PTPRR: variants seen among roughly 807,000 people sequenced by gnomAD.
PTPRR encodes protein tyrosine phosphatase receptor type R.
Under a neutral mutation model 77.2 loss-of-function variants are expected in PTPRR, and 38 were observed. The ratio of observed to expected loss-of-function variants is 0.49; its 90% CI spans 0.38 to 0.65. The LOEUF (loss-of-function observed/expected upper bound fraction) is 0.65. PTPRR is among the 30% of genes least tolerant of loss of function. PTPRR has a pLI of 0.00. For missense variants in PTPRR, 744 were observed against 799.2 expected (o/e 0.93, Z 0.83); for synonymous variants, 299 against 283.1 (o/e 1.06, Z -0.57).
rs761054953 is a variant in PTPRR at position 70,761,457 on chromosome 12, G to A, written c.627+14C>T. 1.7e-5 allele frequency: 26 copies of A among 1,556,274 alleles called. No homozygotes were observed. The highest frequency in any genetic ancestry group is 9.6e-5 in the African/African-American group (7 of 73,206). ...TTCACATTTTTAAATGAATTGTTTC[G>A]TGCAACAACATACCTCAGGAGAGAC... On this transcript the variant is annotated intron_variant, in intron 4 of 13. Coordinates refer to ENST00000283228, the MANE Select transcript of PTPRR (RefSeq NM_002849.4).
At chr12:70,759,238 A>G (rs1890632200) in intron 4 of PTPRR, among the ~76,000 whole-genome samples, 1 of 152,164 alleles carries the variant, frequency 6.6e-6, no homozygotes, top group Non-Finnish European at 1.5e-5. Flanking sequence ...GCCCAGCATG[A>G]CTATTTGTTG....
intron 1 of PTPRR, among the ~76,000 whole-genome samples, chr12:70,911,520 C>T (rs1467323091): frequency 6.6e-6 from 1 of 152,168 alleles, no homozygotes; most frequent in Non-Finnish European, 1.5e-5. Context: ...TTTTCAGTCA[C>T]AATCAGGCAT....
intron 2 of PTPRR, among the ~76,000 whole-genome samples, chr12:70,824,067 C>T (rs1009772047): frequency 2.6e-5 from 4 of 152,192 alleles, no homozygotes; most frequent in African/African-American, 4.8e-5. Flanking sequence ...AGCATTGATA[C>T]ACTACTCTGG....
At chr12:70,747,085 A>G (rs1431377495) in intron 5 of PTPRR, among the ~76,000 whole-genome samples, 1 of 152,208 alleles carries the variant, frequency 6.6e-6, no homozygotes, top group African/African-American at 2.4e-5. Context: ...CTTTCAAGCA[A>G]GTGTAATGTG....
At chr12:70,897,215 C>A (rs906886329) in intron 1 of PTPRR, among the ~76,000 whole-genome samples, 6 of 151,816 alleles carry the variant, frequency 4.0e-5, no homozygotes, top group African/African-American at 1.2e-4. Context: ...AGTGAACAGG[C>A]AACCTACAAA....
At chr12:70,725,597 A>AG (rs1205971368) in intron 6 of PTPRR, among the ~76,000 whole-genome samples, 3 of 152,174 alleles carry the variant, frequency 2.0e-5, no homozygotes, top group Non-Finnish European at 2.9e-5. Flanking sequence ...ACTGATTATT[A>AG]GGGGGAAAAA....
At chr12:70,810,582 G>C (rs1484175256) in intron 2 of PTPRR, among the ~76,000 whole-genome samples, 1 of 152,080 alleles carries the variant, frequency 6.6e-6, no homozygotes, top group African/African-American at 2.4e-5. Flanking sequence ...CGATGTTACT[G>C]TTATGTATAA....
chr12:70,717,046 CA>C (rs1889057231), intron 6 of PTPRR, among the ~76,000 whole-genome samples: 1 of 152,162 alleles, frequency 6.6e-6, no homozygotes, highest in South Asian at 2.1e-4. Context: ...TATGTAAAAA[CA>C]GACTTTTAAA....
In PTPRR at chr12:70,656,114, G is replaced by A. The variant is rs139066661; in HGVS notation, c.1880+590C>T. On this transcript the variant is annotated intron_variant, in intron 13 of 13. Coordinates refer to ENST00000283228, the MANE Select transcript of PTPRR (RefSeq NM_002849.4). ...TCGCCTATAGTCCCAGCTACTTGGG[G>A]GGATGAGGTAGGAGGACCACATGAG... Among the ~76,000 whole-genome samples, 291 of 152,232 alleles carry A rather than the reference G, an allele frequency of 1.9e-3. 5 individuals carry two copies. The East Asian group carries it at 0.022, about 12-fold the overall frequency.
In PTPRR at chr12:70,644,812, T is replaced by C. The variant is rs12372141; in HGVS notation, c.1881-5535A>G. Among the ~76,000 whole-genome samples the C allele has an allele frequency of 4.7e-3, 719 of 152,292 alleles. 5 individuals carry two copies. The highest frequency in any genetic ancestry group is 0.01 in the Middle Eastern group (3 of 294). On this transcript the variant is annotated intron_variant, in intron 13 of 13. Transcript: ENST00000283228. ...GTTTGCCCATTAAGTTCCAAATATC[T>C]TTCTAAATATTGACCAGCCTAGAAG...
intron 1 of PTPRR, among the ~76,000 whole-genome samples, chr12:70,905,991 G>A (rs962346421): frequency 3.3e-5 from 5 of 151,860 alleles, no homozygotes; most frequent in Non-Finnish European, 5.9e-5. Context: ...AAATGATTAG[G>A]CTCCCATTTA....
intron 2 of PTPRR, among the ~76,000 whole-genome samples, chr12:70,861,012 T>C (rs745557608): frequency 1.1e-4 from 17 of 152,290 alleles, no homozygotes; most frequent in Non-Finnish European, 1.8e-4. Flanking sequence ...TCTTCCTCCA[T>C]TGGAATAAAA....
At chr12:70,897,247 C>A (rs545203325) in intron 1 of PTPRR, among the ~76,000 whole-genome samples, 5 of 151,912 alleles carry the variant, frequency 3.3e-5, no homozygotes, top group Non-Finnish European at 7.4e-5. Flanking sequence ...TTTTTGCAAC[C>A]TACTCATCTG....
intron 6 of PTPRR, among the ~76,000 whole-genome samples, chr12:70,702,026 C>T (rs1888445635): frequency 6.6e-6 from 1 of 151,966 alleles, no homozygotes; most frequent in South Asian, 2.1e-4. Flanking sequence ...GCTTCTGTAT[C>T]CTCTATTTAT....
intron 2 of PTPRR, among the ~76,000 whole-genome samples, chr12:70,828,236 A>G (rs1225773857): frequency 6.6e-6 from 1 of 152,200 alleles, no homozygotes; most frequent in East Asian, 1.9e-4. Context: ...AGGACATAAT[A>G]AGCCTCAGAA....
At chr12:70,884,860 A>C (rs1259373738) in intron 2 of PTPRR, among the ~76,000 whole-genome samples, 1 of 143,620 alleles carries the variant, frequency 7.0e-6, no homozygotes, top group African/African-American at 2.7e-5. Flanking sequence ...CAACAGAGCA[A>C]AACTCTGTCT....
At chr12:70,900,423 GAAGAA>G (rs59060497) in intron 1 of PTPRR, among the ~76,000 whole-genome samples, 4,742 of 151,346 alleles carry the variant, frequency 0.031, 239 homozygotes, top group African/African-American at 0.11. Flanking sequence ...AAAACTACTA[GAAGAA>G]AAGATAGGCA....
intron 8 of PTPRR, among the ~76,000 whole-genome samples, chr12:70,696,870 T>G (rs1167257142): frequency 6.6e-6 from 1 of 152,160 alleles, no homozygotes; most frequent in Non-Finnish European, 1.5e-5. Context: ...ATGAGGTCTT[T>G]TGTGCCTGGC....
chr12:70,823,874 G>T (rs1892065122), intron 2 of PTPRR, among the ~76,000 whole-genome samples: 1 of 152,196 alleles, frequency 6.6e-6, no homozygotes, highest in Non-Finnish European at 1.5e-5. Context: ...GTGCTACTCG[G>T]CCTGTGGGCC....
Sources: gnomAD v4.1 joint callset for allele counts (sites outside exome capture counted in the v4.1 genomes callset) on GRCh38, gnomAD v4.1.1 for gene constraint, MANE v1.5 for transcripts, NCBI Gene and HGNC (gene_info 2026-07-23, HGNC 2026-07-21) for gene names.